The following TIAM1 variants were observed in gnomAD, a reference collection of about 807,000 sequenced individuals.
TIAM1 encodes rho guanine nucleotide exchange factor TIAM1.
In TIAM1, 65 loss-of-function variants were observed where a neutral mutation model predicts 163.5. That is an observed-to-expected ratio of 0.40 (90% confidence interval 0.33 to 0.49). The LOEUF is 0.49. Among genes scored for constraint, TIAM1 ranks in the 20% least tolerant of loss-of-function variants. TIAM1 has a pLI of 0.77. For synonymous variants in TIAM1, 833 were observed against 810.1 expected, an observed-to-expected ratio of 1.03 and a Z score of -0.48; for missense variants, 1,789 against 2,044.7, an observed-to-expected ratio of 0.87 and a Z score of 2.41.
At chr21:31,254,911 G>A (rs963959733) in intron 4 of TIAM1, among the ~76,000 whole-genome samples, 3 of 152,168 alleles carry the variant, frequency 2.0e-5, no homozygotes, top group African/African-American at 4.8e-5. Context: ...TCTCAAGGGC[G>A]TGTCTCATAA....
At chr21:31,152,996 AT>A in intron 18 of TIAM1, 69 bp downstream of exon 18, 1 of 1,462,474 alleles carries the variant, frequency 6.8e-7, no homozygotes, top group Non-Finnish European at 9.4e-7. Flanking sequence ...GCATGTCCCC[AT>A]TTTTCCTCTT....
chr21:31,382,247 C>T (rs77810691), intron 2 of TIAM1, among the ~76,000 whole-genome samples: 3,832 of 152,272 alleles, frequency 0.025, 68 homozygotes, highest in Non-Finnish European at 0.038. Context: ...CGCTTATCAG[C>T]GCACTGTATA....
chr21:31,508,987 T>C (rs1209891616), intron 1 of TIAM1, among the ~76,000 whole-genome samples: 1 of 152,038 alleles, frequency 6.6e-6, no homozygotes, highest in Non-Finnish European at 1.5e-5. Flanking sequence ...TGAACAAAAA[T>C]GCCTCCACCC....
chr21:31,267,066 A>AG, intron 3 of TIAM1, 83 bp from the exon 4 acceptor site: 2 of 1,498,528 alleles, frequency 1.3e-6, no homozygotes, highest in Non-Finnish European at 1.8e-6. Flanking sequence ...CTCAGCCTGC[A>AG]GGGAGGGCAG....
At chr21:31,166,221 A>T (rs759920104) in intron 15 of TIAM1, among the ~76,000 whole-genome samples, 2 of 152,140 alleles carry the variant, frequency 1.3e-5, no homozygotes, top group Non-Finnish European at 2.9e-5. Flanking sequence ...AACCTTCTCT[A>T]ATTGAATCTG....
chr21:31,373,444 C>T (rs1464095494), intron 2 of TIAM1, among the ~76,000 whole-genome samples: 1 of 152,236 alleles, frequency 6.6e-6, no homozygotes, highest in East Asian at 1.9e-4. Flanking sequence ...GCACTTCTTT[C>T]GTGGTGGTGG....
chr21:31,479,442 A>AGGAT (rs1240642180), intron 1 of TIAM1, among the ~76,000 whole-genome samples: 1 of 132,524 alleles, frequency 7.5e-6, no homozygotes, highest in Non-Finnish European at 1.7e-5. Flanking sequence ...GATGAATGGA[A>AGGAT]GGATGGATGG....
chr21:31,164,206 C>T lies in TIAM1; in HGVS notation c.2991+756G>A, dbSNP rs879782922. ...GAGATCGAGACCATCCTGGCTAACA[C>T]GGTGAAACCCTGTCTCTACTAAAAA... On this transcript the variant is annotated intron_variant, in intron 16 of 27. Transcript: ENST00000541036. Among the ~76,000 whole-genome samples the T allele has an allele frequency of 1.5e-3, 224 of 152,142 alleles. 4 individuals are homozygous for T. The highest frequency in any genetic ancestry group is 1.0e-3 in the South Asian group (5 of 4,814).
At chr21:31,294,808 G>A (rs962856880) in intron 2 of TIAM1, among the ~76,000 whole-genome samples, 5 of 152,110 alleles carry the variant, frequency 3.3e-5, no homozygotes, top group Non-Finnish European at 5.9e-5. Flanking sequence ...CTGGTTCTGC[G>A]GCTGCCTCAC....
chr21:31,523,847 G>A (rs1384751757), intron 1 of TIAM1, among the ~76,000 whole-genome samples: 1 of 151,882 alleles, frequency 6.6e-6, no homozygotes, highest in African/African-American at 2.4e-5. Flanking sequence ...GAACCCGGGA[G>A]GTGGAGGTTG....
At chr21:31,265,978 C>T (rs1425139757) in intron 4 of TIAM1, 32 bp downstream of exon 4, 10 of 1,602,310 alleles carry the variant, frequency 6.2e-6, no homozygotes, top group Non-Finnish European at 7.7e-6. Context: ...GCACCATTCC[C>T]AAAATATTGA....
rs189015649 is a variant in TIAM1 at position 31,527,109 on chromosome 21, A to G, written c.-422+31818T>C. Reference sequence around the variant, plus strand: ...CACCGGAGAAACTGGGCTCCAACACAGAGACTAGATTTAACTCCTGCTTGG... The same window carrying G: ...CACCGGAGAAACTGGGCTCCAACACGGAGACTAGATTTAACTCCTGCTTGG... On this transcript the variant is annotated intron_variant, in intron 1 of 28. Transcript: ENST00000286827. 4.0e-3 allele frequency among the ~76,000 whole-genome samples: 606 copies of G among 152,268 alleles called. 4 individuals are homozygous for G. Among genetic ancestry groups the G allele is most frequent in the African/African-American group, 0.014 (575 of 41,566 alleles).
intron 25 of TIAM1, 111 bp from the exon 26 acceptor site, chr21:31,127,263 T>C (rs2082235187): frequency 2.2e-6 from 2 of 900,704 alleles, no homozygotes; most frequent in Non-Finnish European, 3.5e-6. Context: ...CAGAACACTG[T>C]ATAAGATCAA....
intron 2 of TIAM1, among the ~76,000 whole-genome samples, chr21:31,376,729 A>T (rs2076693847): frequency 6.6e-6 from 1 of 151,924 alleles, no homozygotes; most frequent in African/African-American, 2.4e-5. Context: ...ACTGGTCTTT[A>T]AAGTGCAGAG....
At chr21:31,319,065 C>G (rs2075218804) in intron 2 of TIAM1, among the ~76,000 whole-genome samples, 1 of 152,106 alleles carries the variant, frequency 6.6e-6, no homozygotes. Context: ...TTTTGTGTCT[C>G]CAGCACATCA....
In TIAM1 at chr21:31,223,405, C is replaced by G; in HGVS notation, c.1995+1G>C. ...TCAAAAATTCATTAGCTTCTACTCA[C>G]CAGGGCATGAAACGATGATACCGAA... On this transcript the variant is annotated splice_donor_variant, in intron 8 of 27. Transcript: ENST00000541036. LOFTEE classifies it high-confidence loss of function. 6.2e-7 allele frequency: 1 copy of G among 1,608,686 alleles called. No homozygotes were observed. Among genetic ancestry groups the G allele is most frequent in the Non-Finnish European group, 8.5e-7 (1 of 1,176,840 alleles).
chr21:31,463,803 C>T (rs1251272602), intron 2 of TIAM1, among the ~76,000 whole-genome samples: 4 of 133,940 alleles, frequency 3.0e-5, no homozygotes, highest in Admixed American at 7.8e-5. Context: ...CAGACTAAGG[C>T]TCCGTCTCCA....
intron 1 of TIAM1, among the ~76,000 whole-genome samples, chr21:31,538,735 A>G (rs577052524): frequency 6.6e-6 from 1 of 152,340 alleles, no homozygotes; most frequent in Admixed American, 6.5e-5. Context: ...GTTTCGAAAG[A>G]GATTTGGCCC....
intron 19 of TIAM1, among the ~76,000 whole-genome samples, chr21:31,152,021 C>CTTTTTTT (rs754817467): frequency 8.9e-6 from 1 of 112,306 alleles, no homozygotes; most frequent in Admixed American, 1.1e-4. Flanking sequence ...CCAGAAGTGC[C>CTTTTTTT]TTTTTTTTTT....
Sources: gnomAD v4.1 joint callset for allele counts (sites outside exome capture counted in the v4.1 genomes callset) on GRCh38, gnomAD v4.1.1 for gene constraint, MANE v1.5 for transcripts, NCBI Gene and HGNC (gene_info 2026-07-23, HGNC 2026-07-21) for gene names.